LRP1B: variants seen among roughly 807,000 people sequenced by gnomAD.
LRP1B encodes LDL receptor related protein 1B.
In LRP1B, 217 loss-of-function variants were observed where a neutral mutation model predicts 556.6. The ratio of observed to expected loss-of-function variants is 0.39; its 90% CI spans 0.35 to 0.44. The LOEUF (loss-of-function observed/expected upper bound fraction) is 0.44. Ranked by LOEUF, LRP1B falls within the 20% of genes least tolerant of loss-of-function variation. The pLI is 1.00. For missense variants in LRP1B, 5,053 were observed against 5,620.8 expected, an observed-to-expected ratio of 0.90 and a Z score of 3.23; for synonymous variants, 2,047 against 1,865.8, an observed-to-expected ratio of 1.10 and a Z score of -2.50.
chr2:141,911,104 T>C (rs1699897345), intron 1 of LRP1B, among the ~76,000 whole-genome samples: 1 of 152,126 alleles, frequency 6.6e-6, no homozygotes, highest in South Asian at 2.1e-4. Flanking sequence ...TTAAGGTTTT[T>C]TTAATACCAC....
chr2:141,647,814 C>T (rs977282516), intron 2 of LRP1B, among the ~76,000 whole-genome samples: 4 of 150,088 alleles, frequency 2.7e-5, no homozygotes, highest in South Asian at 4.2e-4. Context: ...TTGAATTCTG[C>T]AATAAAATTA....
intron 3 of LRP1B, among the ~76,000 whole-genome samples, chr2:141,269,007 T>C (rs1474293661): frequency 1.3e-5 from 2 of 152,078 alleles, no homozygotes; most frequent in East Asian, 3.9e-4. Flanking sequence ...AAAGCAGAGG[T>C]ATAACTCTAA....
Position 141,288,467 on chromosome 2 carries a change from A to C in LRP1B, c.344-33826T>G, listed in dbSNP as rs528391078. On this transcript the variant is annotated intron_variant, in intron 3 of 90. Transcript: ENST00000389484. ...TGAGACAAGAAAACACAAGAGAAAA[A>C]ATAACCTAAGTAACTTAGAAATGCA... is the stretch of plus-strand genomic sequence containing the variant. 3.9e-5 allele frequency among the ~76,000 whole-genome samples: 6 copies of C among 152,178 alleles called. No individual in the cohort carries two copies. In the East Asian group the frequency reaches 9.6e-4, roughly 24 times the overall value.
chr2:141,578,966 C>T (rs1686858606), intron 2 of LRP1B, among the ~76,000 whole-genome samples: 1 of 152,128 alleles, frequency 6.6e-6, no homozygotes, highest in African/African-American at 2.4e-5. Flanking sequence ...TCAGATCAGT[C>T]CCAGGAGATC....
At chr2:141,728,820 T>A (rs1190938303) in intron 2 of LRP1B, among the ~76,000 whole-genome samples, 2 of 152,166 alleles carry the variant, frequency 1.3e-5, no homozygotes. Flanking sequence ...AACAACATCA[T>A]TGATTGACTC....
At chr2:141,849,830 C>T (rs1166167226) in intron 1 of LRP1B, among the ~76,000 whole-genome samples, 2 of 151,564 alleles carry the variant, frequency 1.3e-5, no homozygotes, top group South Asian at 2.1e-4. Context: ...TTCAAAATTC[C>T]ATCTAGGATG....
intron 2 of LRP1B, among the ~76,000 whole-genome samples, chr2:141,709,607 G>C (rs145885060): frequency 6.6e-6 from 1 of 152,180 alleles, no homozygotes; most frequent in South Asian, 2.1e-4. Context: ...GTATTAAGAC[G>C]TATGAGTAAG....
In LRP1B at chr2:141,413,682, C is replaced by A. The variant is rs547327804; in HGVS notation, c.343+66714G>T. ...ATCCCAGCACTTTGGGAGGGAGAGGCAGGCAAACTCCCAGCTGGGTTTTTG... is the reference window on the plus strand; with the variant it reads ...ATCCCAGCACTTTGGGAGGGAGAGGAAGGCAAACTCCCAGCTGGGTTTTTG... On this transcript the variant is annotated intron_variant, in intron 3 of 90. Coordinates refer to ENST00000389484, the MANE Select transcript of LRP1B (RefSeq NM_018557.3). Among the ~76,000 whole-genome samples the A allele has an allele frequency of 2.4e-4, 37 of 151,116 alleles. No homozygotes were observed. The East Asian group carries it at 6.9e-3, about 28-fold the overall frequency.
chr2:141,055,438 A>G (rs1025968139), intron 9 of LRP1B, among the ~76,000 whole-genome samples, 179 bp from the exon 10 acceptor site: 8 of 151,998 alleles, frequency 5.3e-5, no homozygotes, highest in African/African-American at 1.9e-4. Context: ...AGAAGAGGAG[A>G]CAGGGATTTG....
At chr2:140,238,512 T>C (rs1011096932) in intron 88 of LRP1B, among the ~76,000 whole-genome samples, 2 of 150,998 alleles carry the variant, frequency 1.3e-5, no homozygotes, top group East Asian at 1.9e-4. Context: ...ACCTCCTAAA[T>C]AGCCGAAATG....
chr2:141,338,389 T>C (rs2683862), intron 3 of LRP1B, among the ~76,000 whole-genome samples: 91,559 of 151,914 alleles, frequency 0.6, 28,462 homozygotes, highest in African/African-American at 0.68. Flanking sequence ...GAACTAGAGG[T>C]TTCTTCTGGA....
intron 89 of LRP1B, among the ~76,000 whole-genome samples, chr2:140,236,193 T>G (rs1334273952): frequency 6.6e-6 from 1 of 150,956 alleles, no homozygotes; most frequent in Non-Finnish European, 1.5e-5. Context: ...TGAGCATCAA[T>G]TTTAGGCTTA....
Position 141,103,863 on chromosome 2 carries a change from CTT to C in LRP1B, c.1014-41592_1014-41591del, listed in dbSNP as rs1337421853. On this transcript the variant is annotated intron_variant, in intron 7 of 90. Coordinates refer to ENST00000389484, the MANE Select transcript of LRP1B (RefSeq NM_018557.3). ...CTGGTGGTTTTGGTTTTAGCAAAGT[CTT>C]TTTTCAAAGAGGTATTCTGAGGAGC... is the stretch of plus-strand genomic sequence containing the variant. Among the ~76,000 whole-genome samples, 3 of 151,656 alleles carry C rather than the reference CTT, an allele frequency of 2.0e-5. No homozygotes were observed. The East Asian group carries it at 5.8e-4, about 29-fold the overall frequency.
At chr2:140,353,631 G>C (rs916632416) in intron 75 of LRP1B, among the ~76,000 whole-genome samples, 9 of 151,914 alleles carry the variant, frequency 5.9e-5, no homozygotes, top group African/African-American at 2.4e-5. Context: ...AGCCTTCCTT[G>C]GTCTCCAACC....
chr2:141,648,875 G>T (rs1196182000), intron 2 of LRP1B, among the ~76,000 whole-genome samples: 2 of 152,208 alleles, frequency 1.3e-5, no homozygotes, highest in Non-Finnish European at 2.9e-5. Context: ...CTGAATTGAA[G>T]TCAGGGACTG....
At chr2:141,031,792 A>G (rs934238880) in intron 11 of LRP1B, among the ~76,000 whole-genome samples, 5 of 151,986 alleles carry the variant, frequency 3.3e-5, no homozygotes, top group African/African-American at 9.7e-5. Context: ...TTAGCAGACA[A>G]AAGACAAACT....
intron 3 of LRP1B, among the ~76,000 whole-genome samples, chr2:141,447,563 C>T (rs1681243377): frequency 6.6e-6 from 1 of 152,120 alleles, no homozygotes; most frequent in Non-Finnish European, 1.5e-5. Flanking sequence ...TACCTTTGGT[C>T]TTTGATGTTG....
intron 27 of LRP1B, among the ~76,000 whole-genome samples, chr2:140,865,065 T>G (rs1692908615): frequency 6.6e-6 from 1 of 152,090 alleles, no homozygotes; most frequent in Admixed American, 6.6e-5. Flanking sequence ...TACCCACTAC[T>G]GCTCCTTCAT....
chr2:140,331,700 T>TATAC (rs1278202901), intron 79 of LRP1B, among the ~76,000 whole-genome samples: 1 of 147,860 alleles, frequency 6.8e-6, no homozygotes, highest in Non-Finnish European at 1.5e-5. Flanking sequence ...TATATATATA[T>TATAC]ATATATAATT....
Sources: allele counts gnomAD v4.1 joint callset (sites outside exome capture counted in the v4.1 genomes callset), GRCh38; gene constraint gnomAD v4.1.1; transcripts MANE v1.5; gene names NCBI Gene and HGNC (gene_info 2026-07-23, HGNC 2026-07-21).